The following TRIM41 variants were observed in gnomAD, a reference collection of about 807,000 sequenced individuals.
TRIM41 encodes the protein tripartite motif containing 41.
In TRIM41, 21 loss-of-function variants were observed where a neutral mutation model predicts 60.6. That is an observed-to-expected ratio of 0.35 (90% CI 0.25 to 0.50). TRIM41 has a LOEUF of 0.50. TRIM41 is among the 20% of genes least tolerant of loss of function. TRIM41 has a pLI of 0.98. For synonymous variants in TRIM41, 407 were observed against 344.9 expected (o/e 1.18, Z -2.00); for missense variants, 846 against 868.3 (o/e 0.97, Z 0.32).
intron 1 of TRIM41, chr5:181,229,954 G>A (rs1324689133): frequency 2.0e-5 from 3 of 152,442 alleles, no homozygotes; most frequent in Non-Finnish European, 2.9e-5. Flanking sequence ...GAGTGTAGAG[G>A]TGAGGCTGGA....
chr5:181,226,654 C>A (rs1327883115), intron 1 of TRIM41: 1 of 152,202 alleles, frequency 6.6e-6, no homozygotes, highest in Non-Finnish European at 1.5e-5. Context: ...CCCATCATAT[C>A]ATGTGTGGTC....
In TRIM41 at chr5:181,234,845, T is replaced by C. The variant is rs896286906; in HGVS notation, c.*70T>C. 1.2e-5 allele frequency: 19 copies of C among 1,608,062 alleles called. No individual in the cohort carries two copies. Among genetic ancestry groups the C allele is most frequent in the Non-Finnish European group, 1.5e-5 (18 of 1,177,620 alleles). On this transcript the variant is annotated 3_prime_UTR_variant, in exon 6 of 6. Transcript: ENST00000315073. The surrounding 1 kb of genome is among the most constrained non-coding windows in gnomAD (Gnocchi z 5.6). ...TGGGTGGTGGAGGGTGGCCCGTAAGTTTGAGGGCTCAAAGGCTCTTCCCAC... is the reference window on the plus strand; with the variant it reads ...TGGGTGGTGGAGGGTGGCCCGTAAGCTTGAGGGCTCAAAGGCTCTTCCCAC...
Position 181,234,969 on chromosome 5 carries a change from C to T in TRIM41, c.*194C>T. 1 of 1,614,140 alleles carries T rather than the reference C, an allele frequency of 6.2e-7. No individual in the cohort carries two copies. Among genetic ancestry groups the T allele is most frequent in the Non-Finnish European group, 8.5e-7 (1 of 1,180,032 alleles). On this transcript the variant is annotated 3_prime_UTR_variant, in exon 6 of 6. Transcript: ENST00000315073. The surrounding 1 kb of genome is among the most constrained non-coding windows in gnomAD (Gnocchi z 5.6). ...CCCTCCTGGCCTCCAGCTCAGCCTT[C>T]TCTCACCTACTATGTCTGTCCAACA...
Position 181,233,984 on chromosome 5 carries a change from G to A in TRIM41, c.1292-190G>A, listed in dbSNP as rs1208374564. On this transcript the variant is annotated intron_variant, in intron 5 of 5. Transcript: ENST00000315073. The surrounding 1 kb of genome is among the most constrained non-coding windows in gnomAD (Gnocchi z 4.1). ...GGAGTGGCAGGAAGAGCCAGGCTGG[G>A]GGAAGACCTGTCAGGTATCCTAGGA... 23 of 1,186,552 alleles carry A rather than the reference G, an allele frequency of 1.9e-5. No individual in the cohort carries two copies. The Admixed American group carries it at 4.6e-4, about 24-fold the overall frequency. The allele number at this position is 1,186,552 out of a possible 1,614,324, so 73.5% of individuals were successfully genotyped here. A position where few individuals can be genotyped will look rare whatever the true frequency, so the allele number is the denominator to read the frequency against.
In TRIM41 at chr5:181,224,370, G is replaced by GGGA. The variant is rs1003514616; in HGVS notation, c.381_383dup (p.Glu127dup). 4 of 1,612,880 alleles carry GGGA rather than the reference G, an allele frequency of 2.5e-6. No individual in the cohort carries two copies. Among genetic ancestry groups the GGGA allele is most frequent in the Non-Finnish European group, 3.4e-6 (4 of 1,179,126 alleles). ...AGCTGGGACAACATGGACTATGTGT[G>GGGA]GGAGGAGGAGGACGAGGAGGAAGAC... On this transcript the variant is annotated inframe_insertion, in exon 1 of 6. Coordinates refer to ENST00000315073, the MANE Select transcript of TRIM41 (RefSeq NM_033549.5).
rs764848597 is a variant in TRIM41 at position 181,232,684 on chromosome 5, C to T, written c.935C>T (p.Ala312Val). 2.0e-5 allele frequency: 32 copies of T among 1,613,892 alleles called. No homozygotes were observed. The highest frequency in any genetic ancestry group is 4.0e-5 in the African/African-American group (3 of 74,926). Residue 312 changes from alanine (A) to valine (V), a missense_variant, in exon 3 of 6, where the codon GCG (alanine) becomes GTG (valine). Coordinates refer to ENST00000315073, the MANE Select transcript of TRIM41 (RefSeq NM_033549.5). ...LKSQMKSELA[A>V]VASEFGRLTR... The stretch of plus-strand genomic sequence containing the variant: ...AGCCAGATGAAGTCAGAGCTGGCAG[C>T]GGTGGCCTCGGAGTTTGGGCGACTG...
At position 181,224,363 on chromosome 5, in the gene TRIM41, T is replaced by C; in HGVS notation, c.364T>C (p.Tyr122His). The C allele has an allele frequency of 6.2e-7, 1 of 1,610,516 alleles. No individual in the cohort carries two copies. Among genetic ancestry groups the C allele is most frequent in the South Asian group, 1.1e-5 (1 of 90,958 alleles). ...MSRSSWDNMDYVWEEEDEEED... is the reference protein window; with the variant it reads ...MSRSSWDNMDHVWEEEDEEED... ...CAGGTCCAGCTGGGACAACATGGAC[T>C]ATGTGTGGGAGGAGGAGGACGAGGA... Residue 122 changes from tyrosine (Y) to histidine (H), a missense_variant, in exon 1 of 6, where the codon TAT becomes CAT. By Grantham distance (83) the Tyr-to-His change is moderately conservative. Transcript: ENST00000315073.
rs149691012 is a variant in TRIM41 at position 181,235,398 on chromosome 5, G to A, written c.*623G>A. 851 of 1,614,100 alleles carry A rather than the reference G, an allele frequency of 5.3e-4. 4 individuals are homozygous for A. Among genetic ancestry groups the A allele is most frequent in the Admixed American group, 2.6e-3 (158 of 60,018 alleles). ...CACTTGAGAGAGATCTGGAATGGTC[G>A]CCATGATTGAAACCACGCACCATTA... On this transcript the variant is annotated 3_prime_UTR_variant, in exon 6 of 6. Transcript: ENST00000315073.
rs1758992692 is a variant in TRIM41 at position 181,234,700 on chromosome 5, T to A, written c.1818T>A (p.Ala606=). ...ETLAHVHTFS[A]AFLGERVFPF... ...TAGCCCACGTGCACACCTTCTCGGC[T>A]GCCTTCCTGGGCGAGCGTGTCTTTC... The change falls in exon 6 of 6, where the codon GCT becomes GCA. Residue 606 remains alanine (A), a synonymous_variant. Transcript: ENST00000315073. The surrounding 1 kb of genome is among the most constrained non-coding windows in gnomAD (Gnocchi z 5.6). 3.7e-6 allele frequency: 6 copies of A among 1,614,202 alleles called. No homozygotes were observed. The African/African-American group carries it at 4.0e-5, about 11-fold the overall frequency.
chr5:181,225,138 A>C, intron 1 of TRIM41: 1 of 371,262 alleles, frequency 2.7e-6, no homozygotes, highest in South Asian at 2.8e-5. Flanking sequence ...TCCTTGACGG[A>C]GACACCTAGA....
At position 181,223,528 on chromosome 5, in the gene TRIM41, T is replaced by C. The variant is rs1758383303; in HGVS notation, c.-472T>C. 2.3e-6 allele frequency: 1 copy of C among 431,266 alleles called. No homozygotes were observed. The highest frequency in any genetic ancestry group is 3.2e-5 in the East Asian group (1 of 30,840). The allele number at this position is 431,266 out of a possible 1,614,324, so 26.7% of individuals were successfully genotyped here. On this transcript the variant is annotated 5_prime_UTR_variant, in exon 1 of 6. Transcript: ENST00000315073. The stretch of plus-strand genomic sequence containing the variant: ...GTCCTAGCCCTCCCGCCCTGTTCTC[T>C]AGTGCGGACTAGAGCGTCTCCTCGC...
chr5:181,227,029 A>T (rs1758581782), intron 1 of TRIM41: 2 of 151,402 alleles, frequency 1.3e-5, no homozygotes. Flanking sequence ...GTGCCACCAC[A>T]CCTGGCTAAT....
Position 181,223,710 on chromosome 5 carries a change from A to C in TRIM41, c.-290A>C, listed in dbSNP as rs1758395615. On this transcript the variant is annotated 5_prime_UTR_variant, in exon 1 of 6. An upstream start codon of the reference 5' UTR is lost. Transcript: ENST00000315073. ...AGGAAGTGAGGAGGGGCGGGGGTTT[A>C]TGAGGAGTCCAAGGGAGCATTGGGG... 1.9e-6 allele frequency: 1 copy of C among 513,162 alleles called. No individual in the cohort carries two copies. The highest frequency in any genetic ancestry group is 3.3e-5 in the South Asian group (1 of 30,222). The allele number at this position is 513,162 out of a possible 1,614,324, so 31.8% of individuals were successfully genotyped here.
Position 181,223,356 on chromosome 5 carries a change from C to G in TRIM41, c.-644C>G, listed in dbSNP as rs1324190054. On this transcript the variant is annotated 5_prime_UTR_variant, in exon 1 of 6. Transcript: ENST00000315073. ...AGGGTAGGATGGCGTCTGGCCGATG[C>G]GGTGATAGCACCGAAAGCAGACGGC... is the stretch of plus-strand genomic sequence containing the variant. 5.0e-6 allele frequency: 2 copies of G among 399,706 alleles called. No homozygotes were observed. The highest frequency in any genetic ancestry group is 8.8e-6 in the Non-Finnish European group (2 of 226,932). The allele number at this position is 399,706 out of a possible 1,614,324, so 24.8% of individuals were successfully genotyped here. A position where few individuals can be genotyped will look rare whatever the true frequency, so the allele number is the denominator to read the frequency against.
chr5:181,235,130 A>ACC lies in TRIM41; in HGVS notation c.*358_*359dup. On this transcript the variant is annotated 3_prime_UTR_variant, in exon 6 of 6. Transcript: ENST00000315073. ...TTCATTCCTTAACTTCCTTTTCCCC[A>ACC]CCCCTGCTCTTCAACCTCTTTATCA... is the stretch of plus-strand genomic sequence containing the variant. The ACC allele has an allele frequency of 6.4e-7, 1 of 1,569,562 alleles. No homozygotes were observed. Among genetic ancestry groups the ACC allele is most frequent in the Non-Finnish European group, 8.6e-7 (1 of 1,158,016 alleles).
At position 181,224,426 on chromosome 5, in the gene TRIM41, G is replaced by A; in HGVS notation, c.427G>A (p.Glu143Lys). Reference protein sequence around the residue: ...LDYYLGDMEEEDLRGEDEEDE... With the variant: ...LDYYLGDMEEKDLRGEDEEDE... ...CTACTACTTGGGGGACATGGAGGAG[G>A]AGGACCTGAGGGGGGAGGATGAGGA... Residue 143 changes from glutamate (E) to lysine (K), a missense_variant, in exon 1 of 6, where the codon GAG becomes AAG. By Grantham distance (56) the Glu-to-Lys change is moderately conservative. Transcript: ENST00000315073. The A allele has an allele frequency of 6.2e-7, 1 of 1,613,424 alleles. No individual in the cohort carries two copies. Among genetic ancestry groups the A allele is most frequent in the East Asian group, 2.2e-5 (1 of 44,814 alleles).
intron 1 of TRIM41, chr5:181,226,654 CAT>C (rs1286606824): frequency 2.6e-5 from 4 of 152,202 alleles, no homozygotes; most frequent in Admixed American, 6.5e-5. Context: ...CCCATCATAT[CAT>C]GTGTGGTCAC....
chr5:181,234,066 T>C lies in TRIM41; in HGVS notation c.1292-108T>C. On this transcript the variant is annotated intron_variant, in intron 5 of 5. Transcript: ENST00000315073. The surrounding 1 kb of genome is among the most constrained non-coding windows in gnomAD (Gnocchi z 5.6). ...AATCTGAGGCTGGCCTCTGGGATGG[T>C]GTGGGGAGCTGGATTCAGGGAGAAA... 1.3e-6 allele frequency: 2 copies of C among 1,559,816 alleles called. No homozygotes were observed. Among genetic ancestry groups the C allele is most frequent in the South Asian group, 1.1e-5 (1 of 89,370 alleles).
In TRIM41 at chr5:181,234,960, C is replaced by CTCAGCCTTCTCTCACCTACTATG. The variant is rs758372340; in HGVS notation, c.*188_*210dup. ...CCTAAAGAACCCTCCTGGCCTCCAG[C>CTCAGCCTTCTCTCACCTACTATG]TCAGCCTTCTCTCACCTACTATGTC... On this transcript the variant is annotated 3_prime_UTR_variant, in exon 6 of 6. Transcript: ENST00000315073. This position sits in a 1 kb window ranked among gnomAD's most constrained non-coding sequence, Gnocchi z 5.6. 47 of 1,613,996 alleles carry CTCAGCCTTCTCTCACCTACTATG rather than the reference C, an allele frequency of 2.9e-5. No homozygotes were observed. Among genetic ancestry groups the CTCAGCCTTCTCTCACCTACTATG allele is most frequent in the Non-Finnish European group, 3.9e-5 (46 of 1,180,034 alleles).
Sources: gnomAD v4.1 joint callset for allele counts on GRCh38, gnomAD v4.1.1 for gene constraint, Gnocchi (gnomAD v3.1) non-coding constraint, MANE v1.5 for transcripts, NCBI Gene and HGNC (gene_info 2026-07-23, HGNC 2026-07-21) for gene names.